The following FILIP1 variants were observed in gnomAD, a reference collection of about 807,000 sequenced individuals.
FILIP1 encodes the protein filamin A interacting protein 1.
In FILIP1, 61 loss-of-function variants were observed where a neutral mutation model predicts 102.1. The observed-to-expected ratio is 0.60, with a 90% CI of 0.49 to 0.74. The LOEUF is 0.74. Among genes scored for constraint, FILIP1 ranks in the 30% least tolerant of loss-of-function variants. The probability of loss-of-function intolerance (pLI) is 0.00; values close to 1 mark genes in which losing one functional copy is unlikely to be tolerated. For missense variants in FILIP1, 1,314 were observed against 1,441.2 expected (o/e 0.91, Z 1.43); for synonymous variants, 491 against 526.9 (o/e 0.93, Z 0.93).
At chr6:75,325,388 C>T (rs1773806985) in intron 4 of FILIP1, among the ~76,000 whole-genome samples, 1 of 152,182 alleles carries the variant, frequency 6.6e-6, no homozygotes, top group South Asian at 2.1e-4. Context: ...CGCCACTGCA[C>T]TCCAGCCTGG....
chr6:75,308,698 T>C lies in FILIP1; in HGVS notation c.3635A>G (p.Lys1212Arg). ...CCCCCTTAGCCACTGCCCTCAGCCC[T>C]TCCCCCCTCCGAGAGAGGTGGTGCT... is the stretch of plus-strand genomic sequence containing the variant. ...ASSTTSLGGG[K>R]G Residue 1212 changes from lysine to arginine, a missense_variant, in exon 6 of 6, where the codon AAG (lysine) becomes AGG (arginine). Lys to Arg is a conservative substitution (Grantham distance 26, BLOSUM62 2). Coordinates refer to ENST00000237172, the MANE Select transcript of FILIP1 (RefSeq NM_015687.5). 6.2e-7 allele frequency: 1 copy of C among 1,612,896 alleles called. No homozygotes were observed. The highest frequency in any genetic ancestry group is 8.5e-7 in the Non-Finnish European group (1 of 1,180,008).
intron 2 of FILIP1, among the ~76,000 whole-genome samples, chr6:75,382,133 A>G (rs950500294): frequency 1.3e-5 from 2 of 152,182 alleles, no homozygotes; most frequent in Admixed American, 1.3e-4. Context: ...TTGGCTTCTC[A>G]TGGTCTTGCC....
At chr6:75,480,704 AT>A (rs1779627488) in intron 1 of FILIP1, among the ~76,000 whole-genome samples, 2 of 152,230 alleles carry the variant, frequency 1.3e-5, no homozygotes, top group African/African-American at 4.8e-5. Context: ...GGAAGCATTC[AT>A]CATCTGTTTT....
downstream of FILIP1, among the ~76,000 whole-genome samples, chr6:75,305,584 T>C (rs1256711447): frequency 6.6e-6 from 1 of 152,178 alleles, no homozygotes; most frequent in African/African-American, 2.4e-5. Flanking sequence ...GCAGATGACC[T>C]AGATATATAG....
At chr6:75,329,464 C>CT (rs1486975698) in intron 4 of FILIP1, among the ~76,000 whole-genome samples, 1 of 152,194 alleles carries the variant, frequency 6.6e-6, no homozygotes, top group African/African-American at 2.4e-5. Flanking sequence ...TCATCCTAAG[C>CT]TTGTTTCTTA....
chr6:75,307,942 A>G (rs1773040227), downstream of FILIP1: 7 of 730,192 alleles, frequency 9.6e-6, no homozygotes, highest in Non-Finnish European at 1.2e-5. Flanking sequence ...TCCACAATTT[A>G]AATCAATTGC....
chr6:75,462,696 GA>G (rs1171091038), intron 1 of FILIP1, among the ~76,000 whole-genome samples: 2 of 151,940 alleles, frequency 1.3e-5, no homozygotes, highest in African/African-American at 4.8e-5. Context: ...CTAAGCTCTA[GA>G]AAATTATCTC....
At chr6:75,377,777 C>CT (rs1775792822) in intron 2 of FILIP1, among the ~76,000 whole-genome samples, 1 of 152,194 alleles carries the variant, frequency 6.6e-6, no homozygotes, top group Non-Finnish European at 1.5e-5. Context: ...GACAGAACTG[C>CT]TTTTTAAAAA....
chr6:75,414,901 G>A lies in FILIP1; in HGVS notation c.72C>T (p.Ile24=), dbSNP rs747127134. Residue 24 remains isoleucine (I), a synonymous_variant, in exon 2 of 6, where the codon ATC becomes ATT. Transcript: ENST00000237172. The part of the protein sequence containing the change: ...GHISCPKPSI[I]GNAGEKSLSE... ...AGAGACTTTTTTCACCAGCATTGCC[G>A]ATGATGGAGGGCTTGGGACAGGAGA... is the stretch of plus-strand genomic sequence containing the variant. 1.8e-5 allele frequency: 29 copies of A among 1,613,588 alleles called. No individual in the cohort carries two copies. The Admixed American group carries it at 3.8e-4, about 21-fold the overall frequency.
chr6:75,363,201 G>T (rs1170306722), intron 2 of FILIP1, among the ~76,000 whole-genome samples: 1 of 152,098 alleles, frequency 6.6e-6, no homozygotes, highest in Non-Finnish European at 1.5e-5. Flanking sequence ...GGGATGGGGT[G>T]GGGGAGGGAG....
intron 1 of FILIP1, among the ~76,000 whole-genome samples, chr6:75,444,986 C>T (rs1778398231): frequency 6.6e-6 from 1 of 152,080 alleles, no homozygotes; most frequent in South Asian, 2.1e-4. Context: ...AGAACTGAGC[C>T]AGTATAAAGG....
At chr6:75,304,203 ATTATTTATTTATTT>A (rs1388949069), downstream of FILIP1, among the ~76,000 whole-genome samples, 7 of 152,100 alleles carry the variant, frequency 4.6e-5, no homozygotes, top group South Asian at 8.3e-4. Context: ...AGTAATATTT[ATTATTTATTTATTT>A]TTATTTATTT....
intron 1 of FILIP1, chr6:75,453,833 T>A: frequency 2.5e-6 from 1 of 402,640 alleles, no homozygotes; most frequent in Non-Finnish European, 4.9e-6. Flanking sequence ...CTTAAGGGCT[T>A]AAAATCTAGT....
rs1005639652 is a variant in FILIP1, at chr6:75,330,500, T to A, written c.630-15298A>T. ...GTGCAGGAAGGCCTATTTCACATAGTCCCACTCTAAAAAAGAACTTGGTGA... is the reference window on the plus strand; with the variant it reads ...GTGCAGGAAGGCCTATTTCACATAGACCCACTCTAAAAAAGAACTTGGTGA... On this transcript the variant is annotated intron_variant, in intron 4 of 5. Transcript: ENST00000237172. 2.1e-4 allele frequency among the ~76,000 whole-genome samples: 32 copies of A among 152,022 alleles called. 1 individual carries two copies. The highest frequency in any genetic ancestry group is 2.1e-3 in the Admixed American group (32 of 15,244).
At chr6:75,330,321 T>C (rs1432328539) in intron 4 of FILIP1, among the ~76,000 whole-genome samples, 2 of 152,146 alleles carry the variant, frequency 1.3e-5, no homozygotes, top group African/African-American at 2.4e-5. Flanking sequence ...TCCTTCCCAA[T>C]AGGACAAAAA....
chr6:75,473,861 C>T (rs1323029242), intron 1 of FILIP1: 1 of 152,128 alleles, frequency 6.6e-6, no homozygotes. Context: ...CCTGGGAAAA[C>T]CACCTTCATG....
At position 75,446,477 on chromosome 6, in the gene FILIP1, AGAG is replaced by A. The variant is rs1778445013; in HGVS notation, c.-6-31502_-6-31500del. On this transcript the variant is annotated intron_variant, in intron 1 of 5. Coordinates refer to ENST00000237172, the MANE Select transcript of FILIP1 (RefSeq NM_015687.5). ...TAATCTACATTGCACAGTCATTCAC[AGAG>A]AAGACTGTAGCTCTGCAGAATGGCA... Among the ~76,000 whole-genome samples the A allele has an allele frequency of 2.0e-5, 3 of 152,314 alleles. No homozygotes were observed. In the South Asian group the frequency reaches 6.2e-4, roughly 32 times the overall value.
intron 5 of FILIP1, 56 bp downstream of exon 5, chr6:75,312,341 A>C: frequency 2.0e-6 from 3 of 1,536,500 alleles, no homozygotes; most frequent in Non-Finnish European, 1.8e-6. Flanking sequence ...GGGTAGTCTC[A>C]CTACTCACGT....
chr6:75,379,316 G>C (rs1775833773), intron 2 of FILIP1, among the ~76,000 whole-genome samples: 1 of 152,156 alleles, frequency 6.6e-6, no homozygotes, highest in African/African-American at 2.4e-5. Flanking sequence ...ATATTGACTG[G>C]AAGTTGCTGA....
Sources: allele counts gnomAD v4.1 joint callset (sites outside exome capture counted in the v4.1 genomes callset), GRCh38; gene constraint gnomAD v4.1.1; transcripts MANE v1.5; gene names NCBI Gene and HGNC (gene_info 2026-07-23, HGNC 2026-07-21).